MAF: variants seen among roughly 807,000 people sequenced by gnomAD.
The protein encoded by MAF is MAF bZIP transcription factor, also known as transcription factor Maf.
MAF carries 10 observed loss-of-function variants against 22.0 expected under a neutral mutation model. The observed-to-expected ratio is 0.45, with a 90% CI of 0.28 to 0.77. The LOEUF (loss-of-function observed/expected upper bound fraction) is 0.77, where lower values mean the gene tolerates loss of function less well. Among genes scored for constraint, MAF ranks in the 30% least tolerant of loss-of-function variants. The pLI, the probability that MAF is intolerant of heterozygous loss-of-function variation, is 0.12. For synonymous variants in MAF, 337 were observed against 255.8 expected, an observed-to-expected ratio of 1.32 and a Z score of -3.03; for missense variants, 544 against 548.4, an observed-to-expected ratio of 0.99 and a Z score of 0.08.
At chr16:79,582,400 G>A (rs990641822), downstream of MAF, among the ~76,000 whole-genome samples, 5 of 152,126 alleles carry the variant, frequency 3.3e-5, no homozygotes, top group African/African-American at 7.2e-5. Context: ...AAATTCCTTC[G>A]TTTTATTTTT....
the MAF span, among the ~76,000 whole-genome samples, chr16:79,442,720 T>C: frequency 6.6e-6 from 1 of 152,204 alleles, no homozygotes; most frequent in Non-Finnish European, 1.5e-5. Context: ...CTGAATCTTT[T>C]TCATATAAGA....
At chr16:79,225,140 C>T in the MAF span, among the ~76,000 whole-genome samples, 1 of 152,270 alleles carries the variant, frequency 6.6e-6, no homozygotes, top group Non-Finnish European at 1.5e-5. Context: ...AACTAAAAAG[C>T]ATGGTACTGG....
chr16:79,362,648 G>A, the MAF span, among the ~76,000 whole-genome samples: 1 of 152,298 alleles, frequency 6.6e-6, no homozygotes, highest in East Asian at 1.9e-4. Context: ...AGGCAGACGG[G>A]GTAGTCAAGT....
At chr16:79,335,149 C>T in the MAF span, among the ~76,000 whole-genome samples, 2 of 146,692 alleles carry the variant, frequency 1.4e-5, no homozygotes, top group East Asian at 2.0e-4. Context: ...CGCGCCACTG[C>T]ACTCCAGCCT....
chr16:79,571,798 T>C, the MAF span, among the ~76,000 whole-genome samples: 1 of 152,190 alleles, frequency 6.6e-6, no homozygotes, highest in African/African-American at 2.4e-5. Flanking sequence ...GGACCCATGC[T>C]GGAAATGCTT....
the MAF span, among the ~76,000 whole-genome samples, chr16:79,349,438 C>A: frequency 3.3e-5 from 5 of 152,220 alleles, no homozygotes; most frequent in Admixed American, 6.5e-5. Flanking sequence ...CCAAATACCC[C>A]TTCTCTCTTG....
the MAF span, among the ~76,000 whole-genome samples, chr16:79,290,008 C>T: frequency 4.6e-5 from 7 of 152,008 alleles, no homozygotes; most frequent in Admixed American, 1.3e-4. Context: ...AGGCGCCTGC[C>T]ACCACGCCCA....
the MAF span, among the ~76,000 whole-genome samples, chr16:79,224,499 G>A: frequency 6.6e-6 from 1 of 152,174 alleles, no homozygotes; most frequent in South Asian, 2.1e-4. Flanking sequence ...AGTATTGGAA[G>A]TTCTGGCCAG....
chr16:79,354,435 G>A, the MAF span, among the ~76,000 whole-genome samples: 1 of 152,216 alleles, frequency 6.6e-6, no homozygotes, highest in Non-Finnish European at 1.5e-5. Context: ...CAGGCACACA[G>A]GCCACATGTA....
the MAF span, among the ~76,000 whole-genome samples, chr16:79,539,175 G>A: frequency 6.6e-6 from 1 of 152,218 alleles, no homozygotes; most frequent in Non-Finnish European, 1.5e-5. Flanking sequence ...AACTAATTCA[G>A]TCTTTCTGGA....
chr16:79,240,245 A>G, the MAF span, among the ~76,000 whole-genome samples: 2 of 151,752 alleles, frequency 1.3e-5, no homozygotes, highest in Non-Finnish European at 2.9e-5. Context: ...ATGTTTTTGA[A>G]TGAAAAAAAA....
the MAF span, among the ~76,000 whole-genome samples, chr16:79,385,027 T>A: frequency 6.6e-6 from 1 of 152,170 alleles, no homozygotes; most frequent in Non-Finnish European, 1.5e-5. Context: ...TCAGGAAAGG[T>A]CTTCTGAGAA....
At chr16:79,525,283 T>C in the MAF span, among the ~76,000 whole-genome samples, 7 of 152,278 alleles carry the variant, frequency 4.6e-5, no homozygotes, top group African/African-American at 1.4e-4. Flanking sequence ...GATGGATGTT[T>C]TGGGTAAAGT....
In MAF at chr16:79,599,177, C is replaced by A. The variant is rs1348434035; in HGVS notation, c.726G>T (p.Ala242=). Residue 242 remains alanine (A), a synonymous_variant, in exon 1 of 2, where the codon GCG becomes GCT. Transcript: ENST00000326043. ...GGGGGGGAAG[A]GGALHPHHAA... ...CGTGGTGCGGGTGCAGGGCGCCCCC[C>A]GCCCCCGCCGCGCCCCCGCCGCCTC... 2 of 1,178,988 alleles carry A rather than the reference C, an allele frequency of 1.7e-6. No individual in the cohort carries two copies. Among genetic ancestry groups the A allele is most frequent in the Non-Finnish European group, 1.1e-6 (1 of 952,374 alleles). The allele number at this position is 1,178,988 out of a possible 1,614,324, so 73.0% of individuals were successfully genotyped here.
At chr16:79,308,775 G>C in the MAF span, among the ~76,000 whole-genome samples, 1 of 152,262 alleles carries the variant, frequency 6.6e-6, no homozygotes, top group East Asian at 1.9e-4. Flanking sequence ...AAGTTGCAGA[G>C]CTGGAAAGTG....
chr16:79,272,446 C>T, the MAF span, among the ~76,000 whole-genome samples: 118 of 152,332 alleles, frequency 7.7e-4, no homozygotes, highest in South Asian at 1.9e-3. Flanking sequence ...TGTGACTCTA[C>T]GGCCAAAGAC....
At chr16:79,529,117 G>C in the MAF span, among the ~76,000 whole-genome samples, 1 of 152,170 alleles carries the variant, frequency 6.6e-6, no homozygotes, top group Non-Finnish European at 1.5e-5. Flanking sequence ...CTGATTGCTA[G>C]CTACATCAGT....
the MAF span, among the ~76,000 whole-genome samples, chr16:79,507,114 CTTTT>C: frequency 3.5e-5 from 4 of 115,194 alleles, no homozygotes; most frequent in Non-Finnish European, 3.8e-5. Flanking sequence ...TTTTCTGCGT[CTTTT>C]TTTTTTTTTT....
chr16:79,285,329 C>A, the MAF span, among the ~76,000 whole-genome samples: 1 of 152,170 alleles, frequency 6.6e-6, no homozygotes, highest in African/African-American at 2.4e-5. Context: ...TCCTTAGGTC[C>A]ATTCTGGGCA....
Sources: gnomAD v4.1 joint callset for allele counts (sites outside exome capture counted in the v4.1 genomes callset) on GRCh38, gnomAD v4.1.1 for gene constraint, MANE v1.5 for transcripts, NCBI Gene and HGNC (gene_info 2026-07-23, HGNC 2026-07-21) for gene names.